The following RNF180 variants were observed in gnomAD, a reference collection of about 807,000 sequenced individuals.
The protein encoded by RNF180 is E3 ubiquitin-protein ligase RNF180.
In RNF180, 38 loss-of-function variants were observed where a neutral mutation model predicts 59.2. The ratio of observed to expected loss-of-function variants is 0.64; its 90% CI spans 0.50 to 0.84. RNF180 has a LOEUF of 0.84. RNF180 is among the 40% of genes least tolerant of loss of function. The probability of loss-of-function intolerance (pLI) is 0.00; values close to 1 mark genes in which losing one functional copy is unlikely to be tolerated. For missense variants in RNF180, 705 were observed against 700.9 expected, an observed-to-expected ratio of 1.01 and a Z score of -0.07; for synonymous variants, 262 against 240.3, an observed-to-expected ratio of 1.09 and a Z score of -0.84.
At chr5:64,295,374 A>T (rs1580198223) in intron 5 of RNF180, among the ~76,000 whole-genome samples, 1 of 152,172 alleles carries the variant, frequency 6.6e-6, no homozygotes, top group East Asian at 1.9e-4. Context: ...TGTGTGTGTA[A>T]CCTGTCAGTG....
At chr5:64,231,589 T>A (rs1742106827) in intron 5 of RNF180, among the ~76,000 whole-genome samples, 1 of 152,206 alleles carries the variant, frequency 6.6e-6, no homozygotes, top group African/African-American at 2.4e-5. Context: ...TTATGCGAAA[T>A]ATTGAAGCCA....
chr5:64,356,461 A>C, intron 7 of RNF180, among the ~76,000 whole-genome samples: 1 of 151,926 alleles, frequency 6.6e-6, no homozygotes, highest in Non-Finnish European at 1.5e-5. Flanking sequence ...ATTCCTCGAA[A>C]AGCTAATCAT....
intron 5 of RNF180, among the ~76,000 whole-genome samples, chr5:64,309,462 T>G (rs1743643146): frequency 6.6e-6 from 1 of 151,736 alleles, no homozygotes; most frequent in African/African-American, 2.4e-5. Flanking sequence ...TCTTTCCCGT[T>G]TCTTCCTATA....
intron 5 of RNF180, among the ~76,000 whole-genome samples, chr5:64,272,631 C>A (rs1741478783): frequency 6.6e-6 from 1 of 151,728 alleles, no homozygotes. Context: ...TTATTAGATG[C>A]AAGAAAGGAT....
intron 7 of RNF180, among the ~76,000 whole-genome samples, chr5:64,348,630 ATC>A (rs967986575): frequency 4.6e-5 from 7 of 152,056 alleles, no homozygotes; most frequent in Non-Finnish European, 7.4e-5. Flanking sequence ...TCAAGAGAAA[ATC>A]TCTCAACCTG....
intron 7 of RNF180, among the ~76,000 whole-genome samples, chr5:64,335,013 T>G (rs73105027): frequency 6.6e-6 from 1 of 152,200 alleles, no homozygotes; most frequent in East Asian, 1.9e-4. Context: ...CAGCTTTGTC[T>G]ACCACATTTG....
intron 5 of RNF180, among the ~76,000 whole-genome samples, chr5:64,286,489 G>A (rs1000079297): frequency 2.3e-4 from 35 of 152,268 alleles, no homozygotes; most frequent in African/African-American, 8.4e-4. Context: ...AATAGATAAG[G>A]GGGAACAATT....
intron 2 of RNF180, among the ~76,000 whole-genome samples, chr5:64,209,371 T>C (rs892891937): frequency 1.2e-4 from 18 of 152,130 alleles, no homozygotes; most frequent in African/African-American, 4.3e-4. Context: ...TAAAAAATGA[T>C]CAATTTATAT....
At chr5:64,196,239 T>C (rs762430796) in intron 1 of RNF180, among the ~76,000 whole-genome samples, 3 of 152,140 alleles carry the variant, frequency 2.0e-5, no homozygotes, top group Non-Finnish European at 4.4e-5. Context: ...ATAACTCTTA[T>C]TTACTAGCAT....
chr5:64,253,331 C>G (rs771980161), intron 5 of RNF180, among the ~76,000 whole-genome samples: 8 of 152,064 alleles, frequency 5.3e-5, no homozygotes, highest in Non-Finnish European at 8.8e-5. Flanking sequence ...GCTGAGCTTT[C>G]AATTTCTATG....
intron 7 of RNF180, among the ~76,000 whole-genome samples, chr5:64,349,341 A>G (rs1166714355): frequency 6.7e-6 from 1 of 149,806 alleles, no homozygotes; most frequent in Non-Finnish European, 1.5e-5. Context: ...TTTTATTGAT[A>G]CTTTTGTTTT....
intron 5 of RNF180, among the ~76,000 whole-genome samples, chr5:64,231,786 C>T (rs1439749096): frequency 3.3e-5 from 5 of 152,216 alleles, no homozygotes; most frequent in South Asian, 4.2e-4. Flanking sequence ...TAGGTGAATG[C>T]GTTTATTATT....
chr5:64,267,210 A>G (rs772159643), intron 5 of RNF180, among the ~76,000 whole-genome samples: 4 of 152,108 alleles, frequency 2.6e-5, no homozygotes, highest in Non-Finnish European at 5.9e-5. Context: ...GTTTTGTACC[A>G]TCAGTCTCTT....
chr5:64,293,254 G>C (rs978153796), intron 5 of RNF180, among the ~76,000 whole-genome samples: 1 of 152,118 alleles, frequency 6.6e-6, no homozygotes, highest in African/African-American at 2.4e-5. Flanking sequence ...CTCCTGGGGG[G>C]GCTGTTGTCC....
intron 5 of RNF180, among the ~76,000 whole-genome samples, chr5:64,236,461 C>A (rs760182429): frequency 2.6e-5 from 4 of 152,138 alleles, no homozygotes; most frequent in Admixed American, 2.0e-4. Flanking sequence ...GAAATGGGAA[C>A]TTATGTTTAA....
At chr5:64,293,901 C>T (rs574834831) in intron 5 of RNF180, among the ~76,000 whole-genome samples, 1 of 152,258 alleles carries the variant, frequency 6.6e-6, no homozygotes, top group South Asian at 2.1e-4. Flanking sequence ...TGCTACTAAA[C>T]AATCATGCAG....
At chr5:64,331,288 G>A (rs940590101) in intron 7 of RNF180, among the ~76,000 whole-genome samples, 4 of 152,218 alleles carry the variant, frequency 2.6e-5, no homozygotes, top group African/African-American at 4.8e-5. Context: ...TGGGCAGAAA[G>A]GGGACAGGTC....
At chr5:64,223,715 C>A (rs184018888) in intron 5 of RNF180, among the ~76,000 whole-genome samples, 1 of 152,056 alleles carries the variant, frequency 6.6e-6, no homozygotes, top group East Asian at 1.9e-4. Flanking sequence ...AAACATTTTA[C>A]TATCATATAT....
intron 5 of RNF180, among the ~76,000 whole-genome samples, chr5:64,268,034 A>C (rs748268243): frequency 1.3e-5 from 2 of 152,170 alleles, no homozygotes; most frequent in African/African-American, 2.4e-5. Flanking sequence ...CTTGCATTTT[A>C]TCCATGGGTC....
Sources: allele counts gnomAD v4.1 joint callset (sites outside exome capture counted in the v4.1 genomes callset), GRCh38; gene constraint gnomAD v4.1.1; transcripts MANE v1.5; gene names NCBI Gene and HGNC (gene_info 2026-07-23, HGNC 2026-07-21).